PLCE1: variants seen among roughly 807,000 people sequenced by gnomAD.
The protein encoded by PLCE1 is 1-phosphatidylinositol 4,5-bisphosphate phosphodiesterase epsilon-1.
Under a neutral mutation model 242.8 loss-of-function variants are expected in PLCE1, and 119 were observed. That is an observed-to-expected ratio of 0.49 (90% CI 0.42 to 0.57). The LOEUF is 0.57. Ranked by LOEUF, PLCE1 falls within the 20% of genes least tolerant of loss-of-function variation. The pLI, the probability that PLCE1 is intolerant of heterozygous loss-of-function variation, is 0.00. For missense variants in PLCE1, 2,441 were observed against 2,788.8 expected (o/e 0.88, Z 2.81); for synonymous variants, 945 against 1,017.4 (o/e 0.93, Z 1.35).
chr10:94,038,856 G>A (rs1319166505), intron 2 of PLCE1, among the ~76,000 whole-genome samples: 2 of 152,050 alleles, frequency 1.3e-5, no homozygotes, highest in African/African-American at 4.8e-5. Flanking sequence ...AAGCAACCCT[G>A]TTTCTTTTAG....
intron 1 of PLCE1, among the ~76,000 whole-genome samples, chr10:94,025,060 G>T (rs953974870): frequency 8.7e-5 from 13 of 148,824 alleles, no homozygotes; most frequent in African/African-American, 3.0e-4. Context: ...TTTCTATCTT[G>T]TTTTTTTTTT....
chr10:94,198,596 T>C (rs1454543012), intron 4 of PLCE1, among the ~76,000 whole-genome samples: 1 of 152,238 alleles, frequency 6.6e-6, no homozygotes, highest in Non-Finnish European at 1.5e-5. Flanking sequence ...ATCCCAAAAG[T>C]TCCTTTTGCC....
intron 4 of PLCE1, among the ~76,000 whole-genome samples, chr10:94,189,471 A>T (rs1181652173): frequency 2.0e-5 from 3 of 152,110 alleles, no homozygotes; most frequent in African/African-American, 4.8e-5. Flanking sequence ...TCTAAGGTGG[A>T]TCAAATAAAT....
intron 1 of PLCE1, among the ~76,000 whole-genome samples, chr10:94,005,207 A>G (rs577372744): frequency 2.0e-5 from 3 of 152,362 alleles, no homozygotes; most frequent in South Asian, 2.1e-4. Context: ...ATGTACAAGG[A>G]GAGACAGCAA....
chr10:94,060,723 C>G (rs2044029795), intron 2 of PLCE1, among the ~76,000 whole-genome samples: 2 of 148,456 alleles, frequency 1.3e-5, no homozygotes, highest in East Asian at 3.9e-4. Flanking sequence ...GAGACAGTCT[C>G]ACTCTGTCAC....
chr10:94,327,069 G>A (rs2054047212), intron 32 of PLCE1, among the ~76,000 whole-genome samples: 1 of 152,186 alleles, frequency 6.6e-6, no homozygotes, highest in Non-Finnish European at 1.5e-5. Flanking sequence ...GGCTGAGGCA[G>A]GAGAATCGCT....
intron 17 of PLCE1, among the ~76,000 whole-genome samples, chr10:94,269,510 G>A (rs1334817578): frequency 6.6e-6 from 1 of 152,012 alleles, no homozygotes; most frequent in African/African-American, 2.4e-5. Context: ...TGTATCATGT[G>A]GAATGTGCAC....
intron 32 of PLCE1, among the ~76,000 whole-genome samples, chr10:94,326,196 C>T (rs1028623221): frequency 2.0e-5 from 3 of 152,182 alleles, no homozygotes; most frequent in Non-Finnish European, 4.4e-5. Context: ...GAAAGCATTG[C>T]TGTTTATGTG....
At chr10:94,121,652 A>G (rs1347668141) in intron 2 of PLCE1, among the ~76,000 whole-genome samples, 2 of 152,136 alleles carry the variant, frequency 1.3e-5, no homozygotes, top group African/African-American at 4.8e-5. Context: ...TACTTCCCCC[A>G]TGCTACTGGA....
At chr10:94,143,704 T>C (rs61886306) in intron 3 of PLCE1, among the ~76,000 whole-genome samples, 23,889 of 152,164 alleles carry the variant, frequency 0.16, 1,966 homozygotes, top group South Asian at 0.3. Flanking sequence ...TTAACGGTGT[T>C]TAGATTTTGG....
chr10:94,303,399 T>C (rs565945885), intron 24 of PLCE1, among the ~76,000 whole-genome samples: 1 of 152,192 alleles, frequency 6.6e-6, no homozygotes, highest in Non-Finnish European at 1.5e-5. Flanking sequence ...AAGAATCCAA[T>C]TGTTCATCAA....
intron 3 of PLCE1, among the ~76,000 whole-genome samples, chr10:94,170,498 C>G (rs1463110812): frequency 1.3e-5 from 2 of 152,234 alleles, no homozygotes; most frequent in African/African-American, 4.8e-5. Flanking sequence ...CTGCATCCCT[C>G]TGTCACCTTC....
intron 9 of PLCE1, among the ~76,000 whole-genome samples, chr10:94,253,498 T>C (rs2050954074): frequency 6.6e-6 from 1 of 152,068 alleles, no homozygotes; most frequent in African/African-American, 2.4e-5. Flanking sequence ...GGACCACAGG[T>C]GTACACCACC....
chr10:94,197,043 A>G (rs1590225655), intron 4 of PLCE1, among the ~76,000 whole-genome samples: 1 of 152,142 alleles, frequency 6.6e-6, no homozygotes, highest in African/African-American at 2.4e-5. Flanking sequence ...TTTCTGTCCC[A>G]ATGGATTTGC....
At chr10:94,293,759 C>G in intron 23 of PLCE1, 120 bp downstream of exon 23, 1 of 1,156,012 alleles carries the variant, frequency 8.7e-7, no homozygotes, top group Middle Eastern at 2.3e-4. Flanking sequence ...TTAATATTGT[C>G]TGAGTATAGT....
In PLCE1 at chr10:94,328,035, C is replaced by T. The variant is rs757671049; in HGVS notation, c.*92C>T. ...AAAAAATATAATTATTTTCATCAGACTTAAACTGGAAATTGATGATTTCTG... is the reference window on the plus strand; with the variant it reads ...AAAAAATATAATTATTTTCATCAGATTTAAACTGGAAATTGATGATTTCTG... On this transcript the variant is annotated 3_prime_UTR_variant, in exon 33 of 33. Coordinates refer to ENST00000371380, the MANE Select transcript of PLCE1 (RefSeq NM_016341.4). 9.6e-6 allele frequency: 5 copies of T among 520,046 alleles called. No homozygotes were observed. The highest frequency in any genetic ancestry group is 1.9e-5 in the African/African-American group (1 of 51,826). 32.2% of individuals were successfully genotyped at this position (520,046 alleles called of 1,614,324 possible).
At chr10:94,045,028 T>C (rs2061849762) in intron 2 of PLCE1, among the ~76,000 whole-genome samples, 1 of 152,138 alleles carries the variant, frequency 6.6e-6, no homozygotes, top group Non-Finnish European at 1.5e-5. Context: ...AGAGACAGGG[T>C]CTTGCTCTGT....
chr10:94,016,721 C>A (rs2061289512), intron 1 of PLCE1, among the ~76,000 whole-genome samples: 2 of 152,152 alleles, frequency 1.3e-5, no homozygotes, highest in Non-Finnish European at 2.9e-5. Context: ...TTGATGGTAT[C>A]ATTTCTTTTG....
At chr10:94,285,640 A>G (rs560924876) in intron 22 of PLCE1, among the ~76,000 whole-genome samples, 28 of 152,236 alleles carry the variant, frequency 1.8e-4, no homozygotes, top group Non-Finnish European at 2.9e-4. Flanking sequence ...TCAGTGTAAG[A>G]GTCTCTTCCA....
Sources: gnomAD v4.1 joint callset for allele counts (sites outside exome capture counted in the v4.1 genomes callset) on GRCh38, gnomAD v4.1.1 for gene constraint, MANE v1.5 for transcripts, NCBI Gene and HGNC (gene_info 2026-07-23, HGNC 2026-07-21) for gene names.